Variants in ARHGAP17 observed in about 807,000 individuals in gnomAD.
ARHGAP17 encodes rho GTPase-activating protein 17.
Under a neutral mutation model 99.5 loss-of-function variants are expected in ARHGAP17, and 57 were observed. The observed-to-expected ratio is 0.57, with a 90% CI of 0.46 to 0.71. ARHGAP17 has a LOEUF of 0.71. Among genes scored for constraint, ARHGAP17 ranks in the 30% least tolerant of loss-of-function variants. The pLI, the probability that ARHGAP17 is intolerant of heterozygous loss-of-function variation, is 0.00. For synonymous variants in ARHGAP17, 417 were observed against 429.6 expected (o/e 0.97, Z 0.36); for missense variants, 1,000 against 1,122.4 (o/e 0.89, Z 1.56).
At chr16:24,980,594 G>C (rs2052647834) in intron 1 of ARHGAP17, among the ~76,000 whole-genome samples, 1 of 152,164 alleles carries the variant, frequency 6.6e-6, no homozygotes, top group African/African-American at 2.4e-5. Context: ...CCAAACACAG[G>C]TAGTCATACC....
intron 1 of ARHGAP17, among the ~76,000 whole-genome samples, chr16:24,983,552 G>A (rs568339528): frequency 3.3e-5 from 5 of 152,126 alleles, no homozygotes; most frequent in Non-Finnish European, 7.4e-5. Context: ...CCATCCTCCC[G>A]CCTCCAACTC....
chr16:25,014,814 G>T (rs893836504), intron 1 of ARHGAP17, among the ~76,000 whole-genome samples: 2 of 152,222 alleles, frequency 1.3e-5, no homozygotes, highest in African/African-American at 2.4e-5. Flanking sequence ...TCGGCACAGC[G>T]TTAGGGACAG....
intron 1 of ARHGAP17, among the ~76,000 whole-genome samples, chr16:25,006,895 C>A (rs1414593380): frequency 3.9e-5 from 6 of 152,046 alleles, no homozygotes; most frequent in Admixed American, 3.9e-4. Flanking sequence ...ATAAAGAGAC[C>A]CCAGGGCTGG....
chr16:24,920,533 C>G (rs2050694130), intron 19 of ARHGAP17: 1 of 351,954 alleles, frequency 2.8e-6, no homozygotes, highest in Admixed American at 4.1e-5. Context: ...AAAGGATTTG[C>G]TTGCTTTGAT....
At chr16:25,001,592 G>A (rs1173858171) in intron 1 of ARHGAP17, among the ~76,000 whole-genome samples, 1 of 152,050 alleles carries the variant, frequency 6.6e-6, no homozygotes, top group African/African-American at 2.4e-5. Flanking sequence ...AATGAGACAG[G>A]GTCTCTTGCT....
chr16:24,954,777 T>C (rs1567228013), intron 9 of ARHGAP17, 47 bp from the exon 10 acceptor site: 3 of 1,604,576 alleles, frequency 1.9e-6, no homozygotes, highest in Non-Finnish European at 2.6e-6. Context: ...ACTCACGGCA[T>C]TACCAAGCTA....
intron 3 of ARHGAP17, among the ~76,000 whole-genome samples, 187 bp from the exon 4 acceptor site, chr16:24,970,767 C>T (rs2052339135): frequency 6.6e-6 from 1 of 152,164 alleles, no homozygotes; most frequent in African/African-American, 2.4e-5. Flanking sequence ...CAGTTTGGGG[C>T]TATCTGTTGA....
chr16:24,942,245 A>G (rs1597381071), intron 15 of ARHGAP17, 102 bp from the exon 16 acceptor site: 1 of 1,183,884 alleles, frequency 8.4e-7, no homozygotes, highest in East Asian at 2.4e-5. Flanking sequence ...TCTTCAGTCC[A>G]CAGCCCTCAC....
At chr16:24,953,338 G>A (rs921476405) in intron 10 of ARHGAP17, among the ~76,000 whole-genome samples, 4 of 152,184 alleles carry the variant, frequency 2.6e-5, no homozygotes, top group Non-Finnish European at 4.4e-5. Context: ...AGGATGTTTA[G>A]CAGAATCCAT....
At position 24,931,212 on chromosome 16, in the gene ARHGAP17, G is replaced by T; in HGVS notation, c.2087C>A (p.Ser696Ter). ...GCTGCTGGAGTACCTCCGGGGTGCT[G>T]AGAGCTGGGAGGGGGCGGAGGGCTG... Reference protein sequence around the residue: ...PGQPSAPSQLSAPRRYSSSLS... With the variant: ...PGQPSAPSQL Residue 696 changes from serine to a stop codon, truncating the protein, a stop_gained, in exon 19 of 20, where the codon TCA (serine) becomes TAA (stop). Transcript: ENST00000289968. LOFTEE classifies it high-confidence loss of function. 6.4e-7 allele frequency: 1 copy of T among 1,568,574 alleles called. No homozygotes were observed. Among genetic ancestry groups the T allele is most frequent in the Non-Finnish European group, 8.6e-7 (1 of 1,157,464 alleles).
At chr16:25,011,019 A>T (rs1000449212) in intron 1 of ARHGAP17, among the ~76,000 whole-genome samples, 2 of 152,024 alleles carry the variant, frequency 1.3e-5, no homozygotes, top group African/African-American at 4.8e-5. Context: ...TGTCTCTCAA[A>T]TTTTTTTTCT....
At chr16:24,974,157 A>T (rs1389845175) in intron 3 of ARHGAP17, among the ~76,000 whole-genome samples, 1 of 152,248 alleles carries the variant, frequency 6.6e-6, no homozygotes, top group Non-Finnish European at 1.5e-5. Context: ...TTGGCCAGGC[A>T]CGGAGGCTCA....
At chr16:24,929,823 C>A (rs1020968042) in intron 19 of ARHGAP17, among the ~76,000 whole-genome samples, 4 of 152,324 alleles carry the variant, frequency 2.6e-5, no homozygotes, top group East Asian at 1.9e-4. Flanking sequence ...AGTTAACCGT[C>A]ACCCTTTGGG....
chr16:24,942,169 C>A, intron 15 of ARHGAP17, 26 bp from the exon 16 acceptor site: 1 of 1,589,222 alleles, frequency 6.3e-7, no homozygotes, highest in Non-Finnish European at 8.6e-7. Flanking sequence ...TAAACAAGTG[C>A]ATGAGACACT....
chr16:24,928,236 C>T (rs2050891882), intron 19 of ARHGAP17, among the ~76,000 whole-genome samples: 1 of 152,196 alleles, frequency 6.6e-6, no homozygotes, highest in Non-Finnish European at 1.5e-5. Context: ...TGTGTACTTT[C>T]AGTGGGAGGC....
At chr16:24,965,633 G>T (rs1236783865) in intron 6 of ARHGAP17, among the ~76,000 whole-genome samples, 1 of 152,204 alleles carries the variant, frequency 6.6e-6, no homozygotes, top group Non-Finnish European at 1.5e-5. Flanking sequence ...AAGCTAAACT[G>T]GAGATGCTAT....
intron 1 of ARHGAP17, among the ~76,000 whole-genome samples, chr16:24,984,210 C>A (rs538263026): frequency 8.6e-4 from 131 of 152,248 alleles, no homozygotes; most frequent in African/African-American, 3.0e-3. Flanking sequence ...AAACCATGGA[C>A]ACGAATGCTC....
At chr16:25,015,020 C>T (rs1197291251) in intron 1 of ARHGAP17, among the ~76,000 whole-genome samples, 189 bp downstream of exon 1, 2 of 151,376 alleles carry the variant, frequency 1.3e-5, no homozygotes, top group Non-Finnish European at 3.0e-5. Flanking sequence ...GAGAGACAGG[C>T]GGGCCGCCTG....
chr16:24,999,836 T>C (rs1341879432), intron 1 of ARHGAP17, among the ~76,000 whole-genome samples: 1 of 152,238 alleles, frequency 6.6e-6, no homozygotes, highest in African/African-American at 2.4e-5. Flanking sequence ...CATGAAAGCT[T>C]TAACCCATTT....
Sources: gnomAD v4.1 joint callset for allele counts (sites outside exome capture counted in the v4.1 genomes callset) on GRCh38, gnomAD v4.1.1 for gene constraint, MANE v1.5 for transcripts, NCBI Gene and HGNC (gene_info 2026-07-23, HGNC 2026-07-21) for gene names.